The following TET2 variants were observed in gnomAD, a reference collection of about 807,000 sequenced individuals.
TET2 encodes the protein tet methylcytosine dioxygenase 2.
In TET2, 299 loss-of-function variants were observed where a neutral mutation model predicts 142.9. The observed-to-expected ratio is 2.09, with a 90% CI of 1.90 to 2.30. The LOEUF is 2.30. TET2 is among the 30% of genes most tolerant of loss of function. The probability of loss-of-function intolerance (pLI) is 0.00; values close to 1 mark genes in which losing one functional copy is unlikely to be tolerated. For missense variants in TET2, 2,418 were observed against 2,378.0 expected, an observed-to-expected ratio of 1.02 and a Z score of -0.35; for synonymous variants, 819 against 849.0, an observed-to-expected ratio of 0.96 and a Z score of 0.61.
At chr4:105,201,295 G>T (rs865964019) in intron 2 of TET2, among the ~76,000 whole-genome samples, 1 of 152,146 alleles carries the variant, frequency 6.6e-6, no homozygotes, top group Admixed American at 6.5e-5. Flanking sequence ...CCACAAATGT[G>T]TAATTTAGGA....
intron 6 of TET2, among the ~76,000 whole-genome samples, chr4:105,247,469 T>C (rs1729633809): frequency 1.3e-5 from 2 of 152,180 alleles, no homozygotes; most frequent in African/African-American, 4.8e-5. Context: ...AAACTTCCTC[T>C]CATAAAATTC....
chr4:105,186,733 A>C (rs1170325613), intron 1 of TET2, among the ~76,000 whole-genome samples: 1 of 152,102 alleles, frequency 6.6e-6, no homozygotes, highest in Non-Finnish European at 1.5e-5. Context: ...TGGCCTCCCA[A>C]AGTGCTGGGA....
chr4:105,197,818 C>G (rs1388020055), intron 2 of TET2, among the ~76,000 whole-genome samples: 1 of 152,102 alleles, frequency 6.6e-6, no homozygotes, highest in East Asian at 1.9e-4. Flanking sequence ...AAAGGTTTTT[C>G]CCTTTACTCA....
chr4:105,167,496 A>G (rs1578549716), intron 1 of TET2, among the ~76,000 whole-genome samples: 1 of 152,158 alleles, frequency 6.6e-6, no homozygotes, highest in Non-Finnish European at 1.5e-5. Context: ...ATATACATGT[A>G]TATGTACAAA....
Position 105,237,071 on chromosome 4 carries a change from T to C in TET2, c.3129T>C (p.His1043=). The C allele has an allele frequency of 6.2e-7, 1 of 1,614,152 alleles. No individual in the cohort carries two copies. The highest frequency in any genetic ancestry group is 8.5e-7 in the Non-Finnish European group (1 of 1,180,022). ...KQFHAKSLFD[H]KALTLKSQKQ... The stretch of plus-strand genomic sequence containing the variant: ...TTCACGCCAAGTCGTTATTTGACCA[T>C]AAGGCTCTTACTCTCAAATCACAGA... The change falls in exon 3 of 11, where the codon CAT becomes CAC. Residue 1043 remains histidine, a synonymous_variant. Coordinates refer to ENST00000380013, the MANE Select transcript of TET2 (RefSeq NM_001127208.3).
At chr4:105,231,180 C>A (rs1186939328) in intron 2 of TET2, among the ~76,000 whole-genome samples, 2 of 152,046 alleles carry the variant, frequency 1.3e-5, no homozygotes, top group African/African-American at 4.8e-5. Context: ...CCATACAATT[C>A]TTTTTCAGAA....
At chr4:105,157,706 T>G (rs1560712197) in intron 1 of TET2, among the ~76,000 whole-genome samples, 1 of 152,186 alleles carries the variant, frequency 6.6e-6, no homozygotes, top group African/African-American at 2.4e-5. Flanking sequence ...TGGTAGAGTC[T>G]CACTCTCTTG....
In TET2 at chr4:105,261,892, G is replaced by A. The variant is rs550628571; in HGVS notation, c.4044+44G>A. On this transcript the variant is annotated intron_variant, in intron 8 of 10. Transcript: ENST00000380013. ...TGGCAGCAATTGTAACAACTTACTT[G>A]TTACTAATGACCTATGTCCAAAAAT... The A allele has an allele frequency of 6.4e-5, 74 of 1,149,902 alleles. 1 individual carries two copies. The East Asian group carries it at 1.8e-3, about 27-fold the overall frequency. The allele number at this position is 1,149,902 out of a possible 1,614,324, so 71.2% of individuals were successfully genotyped here.
rs2110225882 is a variant in TET2, at chr4:105,235,182, C to G, written c.1240C>G (p.Gln414Glu). The G allele has an allele frequency of 2.5e-6, 4 of 1,614,064 alleles. No individual in the cohort carries two copies. Among genetic ancestry groups the G allele is most frequent in the Non-Finnish European group, 2.5e-6 (3 of 1,179,976 alleles). ...LLLSPPPPLP[Q>E]VPQLPSEGKS... ...TCTTTCTCCCCCTCCTCCTCTTCCA[C>G]AGGTTCCTCAGCTTCCTTCAGAAGG... The change falls in exon 3 of 11, where the codon CAG becomes GAG. Residue 414 changes from glutamine (Q) to glutamate (E), a missense_variant. Coordinates refer to ENST00000380013, the MANE Select transcript of TET2 (RefSeq NM_001127208.3).
Position 105,189,023 on chromosome 4 carries a change from A to T in TET2, c.-192-1337A>T, listed in dbSNP as rs149068328. Among the ~76,000 whole-genome samples the T allele has an allele frequency of 4.7e-4, 71 of 152,278 alleles. 3 individuals are homozygous for T. The highest frequency in any genetic ancestry group is 4.1e-4 in the South Asian group (2 of 4,820). ...ACTTTACAAGGATGTATTTTATGGT[A>T]TGTGAATTATATCTCAAAACACCCC... On this transcript the variant is annotated intron_variant, in intron 1 of 10. Transcript: ENST00000380013.
chr4:105,254,898 T>C (rs934207431), intron 6 of TET2, among the ~76,000 whole-genome samples: 3 of 152,108 alleles, frequency 2.0e-5, no homozygotes, highest in African/African-American at 7.2e-5. Context: ...GCCTTTGGAG[T>C]TGTTCACACT....
In TET2 at chr4:105,276,058, A is replaced by G. The variant is rs1244803797; in HGVS notation, c.5548A>G (p.Ser1850Gly). 10 of 1,551,608 alleles carry G rather than the reference A, an allele frequency of 6.4e-6. No homozygotes were observed. Among genetic ancestry groups the G allele is most frequent in the Non-Finnish European group, 8.7e-6 (10 of 1,146,990 alleles). ...AEDNDEVWSD[S>G]EQSFLDPDIG... is the part of the protein sequence containing the mutation. ...GGACAACGATGAGGTCTGGTCAGACAGCGAGCAGAGCTTTCTGGATCCTGA... is the reference window on the plus strand; with the variant it reads ...GGACAACGATGAGGTCTGGTCAGACGGCGAGCAGAGCTTTCTGGATCCTGA... Residue 1850 changes from serine (S) to glycine (G), a missense_variant, in exon 11 of 11, where the codon AGC (serine) becomes GGC (glycine). Ser to Gly is a moderately conservative substitution (Grantham distance 56). Coordinates refer to ENST00000380013, the MANE Select transcript of TET2 (RefSeq NM_001127208.3).
At chr4:105,251,803 C>CT (rs1010849827) in intron 6 of TET2, among the ~76,000 whole-genome samples, 1 of 152,136 alleles carries the variant, frequency 6.6e-6, no homozygotes, top group African/African-American at 2.4e-5. Context: ...TGGTTTAACT[C>CT]TTTTTTAAAT....
intron 2 of TET2, among the ~76,000 whole-genome samples, chr4:105,209,394 G>A (rs1727029123): frequency 6.6e-6 from 1 of 151,914 alleles, no homozygotes; most frequent in African/African-American, 2.4e-5. Flanking sequence ...AGATGCTCTG[G>A]ATGAGCCTGG....
chr4:105,211,279 C>G (rs1281146779), intron 2 of TET2, among the ~76,000 whole-genome samples: 2 of 152,172 alleles, frequency 1.3e-5, no homozygotes, highest in Non-Finnish European at 2.9e-5. Context: ...TATCTCATCA[C>G]TCAGATTTAT....
intron 1 of TET2, among the ~76,000 whole-genome samples, chr4:105,183,370 G>A: frequency 6.6e-6 from 1 of 152,040 alleles, no homozygotes; most frequent in East Asian, 1.9e-4. Context: ...TATCACACAA[G>A]TAGACTTAGA....
intron 6 of TET2, 117 bp from the exon 7 acceptor site, chr4:105,259,502 A>G: frequency 1.0e-6 from 1 of 975,144 alleles, no homozygotes; most frequent in Non-Finnish European, 1.5e-6. Flanking sequence ...ACAGCTTAAT[A>G]CAGAGTTAGA....
At chr4:105,183,872 C>CCCTTTCACTCCTTTCTTCT (rs1725268268) in intron 1 of TET2, among the ~76,000 whole-genome samples, 2 of 152,124 alleles carry the variant, frequency 1.3e-5, no homozygotes, top group South Asian at 4.1e-4. Flanking sequence ...CCCTTTCTTC[C>CCCTTTCACTCCTTTCTTCT]CCTTTCACTC....
intron 1 of TET2, among the ~76,000 whole-genome samples, chr4:105,160,517 G>C (rs899130493): frequency 5.3e-5 from 8 of 152,128 alleles, no homozygotes; most frequent in African/African-American, 1.9e-4. Flanking sequence ...ATCCAAAATA[G>C]AAGCCTTCTT....
Sources: allele counts gnomAD v4.1 joint callset (sites outside exome capture counted in the v4.1 genomes callset), GRCh38; gene constraint gnomAD v4.1.1; transcripts MANE v1.5; gene names NCBI Gene and HGNC (gene_info 2026-07-23, HGNC 2026-07-21).